The following MRPL34 variants were observed in gnomAD, a reference collection of about 807,000 sequenced individuals.
The protein encoded by MRPL34 is large ribosomal subunit protein bL34m.
Under a neutral mutation model 6.7 loss-of-function variants are expected in MRPL34, and 8 were observed. The ratio of observed to expected loss-of-function variants is 1.20; its 90% CI spans 0.70 to 2.16. The LOEUF (loss-of-function observed/expected upper bound fraction) is 2.16, where lower values mean the gene tolerates loss of function less well. MRPL34 is among the 30% of genes most tolerant of loss of function. The pLI is 0.00. For synonymous variants in MRPL34, 59 were observed against 55.1 expected (o/e 1.07, Z -0.31); for missense variants, 146 against 125.5 (o/e 1.16, Z -0.78).
chr19:17,301,324 G>T (rs767018432), upstream of MRPL34: 17 of 1,607,754 alleles, frequency 1.1e-5, no homozygotes, highest in Non-Finnish European at 1.4e-5. Flanking sequence ...GGCTCGAGGG[G>T]CTCGGCCCAG....
chr19:17,299,301 C>T (rs1195050002), upstream of MRPL34, among the ~76,000 whole-genome samples: 1 of 147,798 alleles, frequency 6.8e-6, no homozygotes, highest in Non-Finnish European at 1.5e-5. Flanking sequence ...TTGGCTCACG[C>T]CTGTAATCCC....
chr19:17,292,646 C>A (rs776816824), exon 1 of MRPL34: 1 of 1,601,156 alleles, frequency 6.2e-7, no homozygotes. Flanking sequence ...AAGCGATGCC[C>A]CGCCGGCCCA....
At chr19:17,306,038 T>G (rs1343884071) in intron 1 of MRPL34, 81 bp downstream of exon 1, 11 of 1,571,642 alleles carry the variant, frequency 7.0e-6, no homozygotes, top group Middle Eastern at 1.8e-4. Flanking sequence ...ACTGCCCGCG[T>G]GACCTGCCAG....
chr19:17,292,981 G>T (rs761735033), intron 1 of MRPL34: 4 of 855,776 alleles, frequency 4.7e-6, no homozygotes, highest in Non-Finnish European at 6.8e-6. Flanking sequence ...CACTCAAGGG[G>T]GAGCTGGAGG....
At chr19:17,298,506 G>C (rs1182319218), upstream of MRPL34, 1 of 152,158 alleles carries the variant, frequency 6.6e-6, no homozygotes, top group East Asian at 1.9e-4. Context: ...CTCCAGGGCA[G>C]TTGATTTTTT....
At chr19:17,293,962 A>G (rs1354259617) in intron 1 of MRPL34, among the ~76,000 whole-genome samples, 2 of 152,084 alleles carry the variant, frequency 1.3e-5, no homozygotes, top group Non-Finnish European at 2.9e-5. Flanking sequence ...CCGGTCTTCT[A>G]GAATTATATA....
intron 1 of MRPL34, chr19:17,296,500 T>C (rs976775181): frequency 7.9e-5 from 12 of 152,190 alleles, no homozygotes; most frequent in African/African-American, 2.9e-4. Flanking sequence ...TTCAGGATGT[T>C]CTGCCACCTG....
chr19:17,295,829 T>C (rs1357259572), intron 1 of MRPL34, among the ~76,000 whole-genome samples: 5 of 152,216 alleles, frequency 3.3e-5, no homozygotes, highest in African/African-American at 1.2e-4. Flanking sequence ...CACCTCAGCC[T>C]TCTGAATAGC....
intron 1 of MRPL34, among the ~76,000 whole-genome samples, chr19:17,293,269 G>T (rs1355893695): frequency 6.6e-6 from 1 of 151,650 alleles, no homozygotes. Context: ...CTAATTTTTT[G>T]TATTTTTAGT....
chr19:17,295,014 C>G (rs946885433), intron 1 of MRPL34, among the ~76,000 whole-genome samples: 1 of 152,098 alleles, frequency 6.6e-6, no homozygotes, highest in African/African-American at 2.4e-5. Context: ...ACCTCTGCCT[C>G]CCAGGTTCAA....
intron 1 of MRPL34, chr19:17,294,150 A>T (rs530828163): frequency 5.7e-6 from 6 of 1,055,232 alleles, no homozygotes; most frequent in East Asian, 2.6e-5. Context: ...ACTAGAGGCC[A>T]CGCCCACCCG....
chr19:17,305,067 T>A (rs146300220), upstream of MRPL34, among the ~76,000 whole-genome samples: 152 of 152,040 alleles, frequency 1.0e-3, no homozygotes, highest in Middle Eastern at 6.8e-3. Context: ...AAAGGGCGGA[T>A]AGGGGAACAC....
intron 1 of MRPL34, chr19:17,294,568 G>C: frequency 1.2e-6 from 2 of 1,609,600 alleles, no homozygotes; most frequent in South Asian, 2.2e-5. Context: ...GGGTGCCCCC[G>C]ATGCCAGCCC....
upstream of MRPL34, chr19:17,301,772 TTGTTTG>T: frequency 2.3e-6 from 2 of 871,498 alleles, no homozygotes; most frequent in South Asian, 2.2e-5. Context: ...TGAGATTTTT[TTGTTTG>T]TGTGTGTGTG....
chr19:17,303,672 C>A (rs1179646615), upstream of MRPL34, among the ~76,000 whole-genome samples: 1 of 152,140 alleles, frequency 6.6e-6, no homozygotes, highest in Non-Finnish European at 1.5e-5. Context: ...TGGGAGTGTG[C>A]GGCCGGGGCC....
chr19:17,302,502 CT>C (rs1457955096), upstream of MRPL34, among the ~76,000 whole-genome samples: 6 of 152,184 alleles, frequency 3.9e-5, no homozygotes, highest in Non-Finnish European at 8.8e-5. Context: ...GCTCCTGGCT[CT>C]GAATTTGACT....
At chr19:17,292,744 G>T in exon 1 of MRPL34, 1 of 1,613,854 alleles carries the variant, frequency 6.2e-7, no homozygotes, top group Non-Finnish European at 8.5e-7. Context: ...AGGAATTCGT[G>T]GAGCAGCGTG....
Position 17,305,962 on chromosome 19 carries a change from G to C in MRPL34, c.65+5G>C. 1 of 1,614,100 alleles carries C rather than the reference G, an allele frequency of 6.2e-7. No individual in the cohort carries two copies. The highest frequency in any genetic ancestry group is 2.2e-5 in the East Asian group (1 of 44,878). On this transcript the variant is annotated splice_donor_5th_base_variant and intron_variant, in intron 1 of 1. Coordinates refer to ENST00000252602, the MANE Select transcript of MRPL34 (RefSeq NM_023937.4). ...GGCAGCGTTGCTGGGTGGCAGGTAA[G>C]TCCTCAGGGGGACCCTTCCCCAAAT...
At chr19:17,300,820 C>G, upstream of MRPL34, 1 of 1,550,140 alleles carries the variant, frequency 6.5e-7, no homozygotes, top group African/African-American at 1.4e-5. Flanking sequence ...CTGACCCCAT[C>G]CCTCACCCCC....
Sources: gnomAD v4.1 joint callset for allele counts (sites outside exome capture counted in the v4.1 genomes callset) on GRCh38, gnomAD v4.1.1 for gene constraint, MANE v1.5 for transcripts, NCBI Gene and HGNC (gene_info 2026-07-23, HGNC 2026-07-21) for gene names.